Variants in H3-3B observed in about 807,000 individuals in gnomAD.
H3-3B encodes the protein histone H3.3.
In H3-3B, 2 loss-of-function variants were observed where a neutral mutation model predicts 13.1. The ratio of observed to expected loss-of-function variants is 0.15; its 90% CI spans 0.06 to 0.48. The LOEUF (loss-of-function observed/expected upper bound fraction) is 0.48. H3-3B is among the 20% of genes least tolerant of loss of function. The pLI is 0.97. For missense variants in H3-3B, 39 were observed against 186.0 expected, an observed-to-expected ratio of 0.21 and a Z score of 4.60; for synonymous variants, 133 against 75.8, an observed-to-expected ratio of 1.76 and a Z score of -3.92.
intron 1 of H3-3B, 135 bp downstream of exon 1, chr17:75,779,522 G>A (rs893505368): frequency 4.5e-5 from 8 of 178,664 alleles, no homozygotes; most frequent in Non-Finnish European, 4.7e-5. Context: ...GCCCCAAGGG[G>A]AAACCTCCCG....
In H3-3B at chr17:75,776,472, G is replaced by A. The variant is rs1040614626; in HGVS notation, c.*2123C>T. 4.6e-5 allele frequency: 7 copies of A among 152,022 alleles called. No homozygotes were observed. Among genetic ancestry groups the A allele is most frequent in the African/African-American group, 1.7e-4 (7 of 41,378 alleles). 9.4% of individuals were successfully genotyped at this position (152,022 alleles called of 1,614,324 possible). A position where few individuals can be genotyped will look rare whatever the true frequency, so the allele number is the denominator to read the frequency against. On this transcript the variant is annotated 3_prime_UTR_variant, in exon 4 of 4. Coordinates refer to ENST00000254810, the MANE Select transcript of H3-3B (RefSeq NM_005324.5). Reference sequence around the variant, plus strand: ...TTTTATTTTAGTCTCATCCATCAAGGGCATAGGATACCTGCATCAGCTGCA... The same window carrying A: ...TTTTATTTTAGTCTCATCCATCAAGAGCATAGGATACCTGCATCAGCTGCA...
chr17:75,779,420 C>T (rs909301679), intron 1 of H3-3B: 1 of 349,434 alleles, frequency 2.9e-6, no homozygotes, highest in Admixed American at 4.8e-5. Context: ...CACTTCCCTT[C>T]CTCGACGGGC....
At chr17:75,779,473 C>G (rs950917141) in intron 1 of H3-3B, 184 bp downstream of exon 1, 1 of 253,282 alleles carries the variant, frequency 3.9e-6, no homozygotes. Flanking sequence ...ACCTCTGAAT[C>G]ACCGCCGGGA....
intron 1 of H3-3B, 145 bp from the exon 2 acceptor site, chr17:75,779,329 G>T (rs1018404555): frequency 1.2e-6 from 1 of 828,400 alleles, no homozygotes; most frequent in South Asian, 4.0e-5. Context: ...GCCGAGGGCC[G>T]CCAACCTCCT....
chr17:75,778,781 C>T, intron 3 of H3-3B, 29 bp downstream of exon 3: 1 of 1,614,144 alleles, frequency 6.2e-7, no homozygotes, highest in Non-Finnish European at 8.5e-7. Context: ...ACCGCCCAGC[C>T]CTCCCCCGGC....
At chr17:75,779,211 CCGCCG>C in intron 1 of H3-3B, 27 bp from the exon 2 acceptor site, 1 of 1,460,624 alleles carries the variant, frequency 6.8e-7, no homozygotes, top group Non-Finnish European at 9.0e-7. Context: ...GAAGATAAGG[CCGCCG>C]CGCTCACCCG....
rs2410866 is a variant in H3-3B at position 75,778,574 on chromosome 17, C to T, written c.*21G>A. 15 of 1,600,548 alleles carry T rather than the reference C, an allele frequency of 9.4e-6. No individual in the cohort carries two copies. Among genetic ancestry groups the T allele is most frequent in the Middle Eastern group, 1.7e-4 (1 of 6,010 alleles). On this transcript the variant is annotated 3_prime_UTR_variant, in exon 4 of 4. Coordinates refer to ENST00000254810, the MANE Select transcript of H3-3B (RefSeq NM_005324.5). Reference sequence around the variant, plus strand: ...GTATTTTACAGAATTTACTACAAAACGCCATAAAAACTGCCTTCACTTAAG... The same window carrying T: ...GTATTTTACAGAATTTACTACAAAATGCCATAAAAACTGCCTTCACTTAAG...
In H3-3B at chr17:75,776,615, T is replaced by C. The variant is rs918327804; in HGVS notation, c.*1980A>G. The stretch of plus-strand genomic sequence containing the variant: ...TTCTGGGTTGAGTGCTCAAGCCAAG[T>C]GTGGAAATGCAAGTCACTGCTTCGG... On this transcript the variant is annotated 3_prime_UTR_variant, in exon 4 of 4. Coordinates refer to ENST00000254810, the MANE Select transcript of H3-3B (RefSeq NM_005324.5). 5.9e-5 allele frequency: 9 copies of C among 152,184 alleles called. No homozygotes were observed. The highest frequency in any genetic ancestry group is 2.2e-4 in the African/African-American group (9 of 41,446). The allele number at this position is 152,184 out of a possible 1,614,324, so 9.4% of individuals were successfully genotyped here. A position where few individuals can be genotyped will look rare whatever the true frequency, so the allele number is the denominator to read the frequency against.
rs188328930 is a variant in H3-3B, at chr17:75,778,218, G to A, written c.*377C>T. 18 of 179,078 alleles carry A rather than the reference G, an allele frequency of 1.0e-4. No homozygotes were observed. The highest frequency in any genetic ancestry group is 8.7e-4 in the Admixed American group (15 of 17,254). 11.1% of individuals were successfully genotyped at this position (179,078 alleles called of 1,614,324 possible). A position where few individuals can be genotyped will look rare whatever the true frequency, so the allele number is the denominator to read the frequency against. On this transcript the variant is annotated 3_prime_UTR_variant, in exon 4 of 4. Transcript: ENST00000254810. ...ATTCTATCACAGTGATGTATGGTCA[G>A]ACTTAACAGCCCCAATTGTTAAACA...
chr17:75,778,776 C>T (rs375775315), intron 3 of H3-3B, 34 bp downstream of exon 3: 7 of 1,613,992 alleles, frequency 4.3e-6, no homozygotes, highest in African/African-American at 2.7e-5. Flanking sequence ...CGGAAACCGC[C>T]CAGCCCTCCC....
rs7342 is a variant in H3-3B, at chr17:75,776,775, G to C, written c.*1820C>G. ...CTAACTCATCACCGTAGCCAGGTTTGTGTACTTTGTTTCCAGACACGCTAC... is the reference window on the plus strand; with the variant it reads ...CTAACTCATCACCGTAGCCAGGTTTCTGTACTTTGTTTCCAGACACGCTAC... On this transcript the variant is annotated 3_prime_UTR_variant, in exon 4 of 4. Coordinates refer to ENST00000254810, the MANE Select transcript of H3-3B (RefSeq NM_005324.5). 52,534 of 152,210 alleles carry C rather than the reference G, an allele frequency of 0.35. 14,035 individuals are homozygous for C. Among genetic ancestry groups the C allele is most frequent in the African/African-American group, 0.75 (31,102 of 41,490 alleles). 9.4% of individuals were successfully genotyped at this position (152,210 alleles called of 1,614,324 possible).
rs2061642053 is a variant in H3-3B at position 75,777,183 on chromosome 17, C to CTGTG, written c.*1408_*1411dup. On this transcript the variant is annotated 3_prime_UTR_variant, in exon 4 of 4. Transcript: ENST00000254810. ...TGAAGTTTAAGACTGAGTTCTACAC[C>CTGTG]TGTGGGCTTCTACACTACGGAACGG... is the stretch of plus-strand genomic sequence containing the variant. 1 of 152,136 alleles carries CTGTG rather than the reference C, an allele frequency of 6.6e-6. No individual in the cohort carries two copies. Among genetic ancestry groups the CTGTG allele is most frequent in the African/African-American group, 2.4e-5 (1 of 41,416 alleles). The allele number at this position is 152,136 out of a possible 1,614,324, so 9.4% of individuals were successfully genotyped here.
chr17:75,778,801 T>TA lies in H3-3B; in HGVS notation c.282+8_282+9insT. ...CCAGCCCTCCCCCGGCTCCAGGCCT[T>TA]TGTCTTACCTGCAGCGCACCGATGG... is the stretch of plus-strand genomic sequence containing the variant. On this transcript the variant is annotated intron_variant, in intron 3 of 3. Coordinates refer to ENST00000254810, the MANE Select transcript of H3-3B (RefSeq NM_005324.5). The TA allele has an allele frequency of 1.9e-6, 3 of 1,614,134 alleles. No homozygotes were observed. Among genetic ancestry groups the TA allele is most frequent in the Non-Finnish European group, 2.5e-6 (3 of 1,179,986 alleles).
rs2061648932 is a variant in H3-3B at position 75,778,299 on chromosome 17, A to G, written c.*296T>C. ...AAAAGGACCCTGTACACATTTATCAACTCTAGTACCTTAATAGCTACCCAA... is the reference window on the plus strand; with the variant it reads ...AAAAGGACCCTGTACACATTTATCAGCTCTAGTACCTTAATAGCTACCCAA... On this transcript the variant is annotated 3_prime_UTR_variant, in exon 4 of 4. Coordinates refer to ENST00000254810, the MANE Select transcript of H3-3B (RefSeq NM_005324.5). The G allele has an allele frequency of 2.7e-6, 1 of 364,306 alleles. No individual in the cohort carries two copies. Among genetic ancestry groups the G allele is most frequent in the South Asian group, 3.2e-5 (1 of 31,248 alleles). 22.6% of individuals were successfully genotyped at this position (364,306 alleles called of 1,614,324 possible).
In H3-3B at chr17:75,777,796, A is replaced by G. The variant is rs186388763; in HGVS notation, c.*799T>C. On this transcript the variant is annotated 3_prime_UTR_variant, in exon 4 of 4. Transcript: ENST00000254810. ...ACTAACTAGTTCAGAATGTTAGTTA[A>G]GATGATGCTGGTGTGAATAACTCGT... 2 of 152,618 alleles carry G rather than the reference A, an allele frequency of 1.3e-5. No individual in the cohort carries two copies. The highest frequency in any genetic ancestry group is 1.3e-4 in the Admixed American group (2 of 15,288). The allele number at this position is 152,618 out of a possible 1,614,324, so 9.5% of individuals were successfully genotyped here.
chr17:75,778,891 G>A lies in H3-3B; in HGVS notation c.201C>T (p.Pro67=), dbSNP rs371386581. ...CGATCTCCCTCACCAACCTCTGGAA[G>A]GGCAGCTTCCGGATGAGCAGCTCGG... ...KSTELLIRKL[P]FQRLVREIAQ... Residue 67 remains proline (P), a synonymous_variant, in exon 3 of 4, where the codon CCC becomes CCT. Transcript: ENST00000254810. 4.2e-5 allele frequency: 68 copies of A among 1,614,064 alleles called. No homozygotes were observed. The highest frequency in any genetic ancestry group is 6.7e-5 in the East Asian group (3 of 44,902).
chr17:75,779,005 A>T, intron 2 of H3-3B, 42 bp from the exon 3 acceptor site: 1 of 1,612,574 alleles, frequency 6.2e-7, no homozygotes, highest in Non-Finnish European at 8.5e-7. Flanking sequence ...CTGCCGCACA[A>T]AGCCGGCCAC....
Position 75,778,433 on chromosome 17 carries a change from AG to A in H3-3B, c.*161del. ...CTGAGCAACAGTGCTCACATCACTG[AG>A]GTCTGTGAACAGTCACTTTTCGCAT... On this transcript the variant is annotated 3_prime_UTR_variant, in exon 4 of 4. Coordinates refer to ENST00000254810, the MANE Select transcript of H3-3B (RefSeq NM_005324.5). 1 of 943,788 alleles carries A rather than the reference AG, an allele frequency of 1.1e-6. No homozygotes were observed. The highest frequency in any genetic ancestry group is 1.6e-6 in the Non-Finnish European group (1 of 631,496). The allele number at this position is 943,788 out of a possible 1,614,324, so 58.5% of individuals were successfully genotyped here.
chr17:75,777,700 C>T lies in H3-3B; in HGVS notation c.*895G>A, dbSNP rs2061645282. The T allele has an allele frequency of 6.6e-6, 1 of 152,448 alleles. No homozygotes were observed. Among genetic ancestry groups the T allele is most frequent in the Admixed American group, 6.5e-5 (1 of 15,284 alleles). The allele number at this position is 152,448 out of a possible 1,614,324, so 9.4% of individuals were successfully genotyped here. A position where few individuals can be genotyped will look rare whatever the true frequency, so the allele number is the denominator to read the frequency against. The stretch of plus-strand genomic sequence containing the variant: ...TGCCACAAGAAAAAGAACTTCGGTA[C>T]TGTTTCCTCAGCAGAGGAGAAAAAC... On this transcript the variant is annotated 3_prime_UTR_variant, in exon 4 of 4. Coordinates refer to ENST00000254810, the MANE Select transcript of H3-3B (RefSeq NM_005324.5).
Sources: gnomAD v4.1 joint callset for allele counts on GRCh38, gnomAD v4.1.1 for gene constraint, MANE v1.5 for transcripts, NCBI Gene and HGNC (gene_info 2026-07-23, HGNC 2026-07-21) for gene names.